The following ARHGAP24 variants were observed in gnomAD, a reference collection of about 807,000 sequenced individuals.
ARHGAP24 encodes rho GTPase-activating protein 24.
In ARHGAP24, 50 loss-of-function variants were observed where a neutral mutation model predicts 76.4. That is an observed-to-expected ratio of 0.65 (90% CI 0.52 to 0.83). The LOEUF is 0.83. Among genes scored for constraint, ARHGAP24 ranks in the 40% least tolerant of loss-of-function variants. The pLI is 0.00. For missense variants in ARHGAP24, 930 were observed against 914.2 expected (o/e 1.02, Z -0.22); for synonymous variants, 345 against 323.3 (o/e 1.07, Z -0.72).
At chr4:85,638,002 A>G (rs1349376045) in intron 2 of ARHGAP24, among the ~76,000 whole-genome samples, 1 of 151,988 alleles carries the variant, frequency 6.6e-6, no homozygotes, top group East Asian at 1.9e-4. Context: ...TGTGCCACAA[A>G]CCATCTCAGT....
chr4:85,763,503 C>T (rs749904570), intron 3 of ARHGAP24, among the ~76,000 whole-genome samples: 9 of 152,078 alleles, frequency 5.9e-5, no homozygotes, highest in African/African-American at 1.2e-4. Flanking sequence ...TAGATGAGGA[C>T]GAGGCCTGGA....
chr4:85,661,101 A>G (rs1722367023), intron 2 of ARHGAP24, among the ~76,000 whole-genome samples: 1 of 152,250 alleles, frequency 6.6e-6, no homozygotes, highest in Non-Finnish European at 1.5e-5. Flanking sequence ...CATTAGGAAC[A>G]TACTCAGATT....
At chr4:85,647,066 C>A (rs1721751088) in intron 2 of ARHGAP24, among the ~76,000 whole-genome samples, 1 of 151,896 alleles carries the variant, frequency 6.6e-6, no homozygotes, top group Admixed American at 6.6e-5. Flanking sequence ...GGGAAGAAAC[C>A]ATGTGATAGT....
chr4:85,563,246 G>C (rs568730701), intron 1 of ARHGAP24, among the ~76,000 whole-genome samples: 4 of 152,148 alleles, frequency 2.6e-5, no homozygotes, highest in Non-Finnish European at 4.4e-5. Context: ...CACAATGGCA[G>C]GTATCTTATT....
At position 85,560,597 on chromosome 4, in the gene ARHGAP24, G is replaced by A. The variant is rs559710885; in HGVS notation, c.-20-9925G>A. Among the ~76,000 whole-genome samples the A allele has an allele frequency of 1.6e-4, 24 of 152,284 alleles. No homozygotes were observed. The South Asian group carries it at 4.1e-3, about 26-fold the overall frequency. The stretch of plus-strand genomic sequence containing the variant: ...TGTTTCTTCATGAAAATAACTGTAC[G>A]TAAGTTCCCCCAGGTATGCCCTTCT... On this transcript the variant is annotated intron_variant, in intron 1 of 9. Transcript: ENST00000395184.
In ARHGAP24 at chr4:85,664,217, A is replaced by G. The variant is rs879262411; in HGVS notation, c.181-57668A>G. Among the ~76,000 whole-genome samples the G allele has an allele frequency of 6.2e-3, 906 of 146,932 alleles. 8 individuals are homozygous for G. Among genetic ancestry groups the G allele is most frequent in the African/African-American group, 0.022 (821 of 36,530 alleles). On this transcript the variant is annotated intron_variant, in intron 2 of 9. Transcript: ENST00000395184. Reference sequence around the variant, plus strand: ...TGTTATTGGTCTATTCAGAGATTCAACTTCTTCCTGGTTTAGTCTTGGGAG... The same window carrying G: ...TGTTATTGGTCTATTCAGAGATTCAGCTTCTTCCTGGTTTAGTCTTGGGAG...
chr4:85,596,087 A>T (rs2109984575), intron 2 of ARHGAP24, among the ~76,000 whole-genome samples: 1 of 151,732 alleles, frequency 6.6e-6, no homozygotes, highest in South Asian at 2.1e-4. Flanking sequence ...GATTTTTCTT[A>T]CCTATCTAGT....
chr4:85,756,088 A>G (rs1380939661), intron 3 of ARHGAP24, among the ~76,000 whole-genome samples: 1 of 152,190 alleles, frequency 6.6e-6, no homozygotes, highest in Non-Finnish European at 1.5e-5. Flanking sequence ...ATTGTAATGT[A>G]TGTATCATTA....
intron 2 of ARHGAP24, among the ~76,000 whole-genome samples, chr4:85,645,054 A>G (rs1235655945): frequency 6.6e-6 from 1 of 152,122 alleles, no homozygotes; most frequent in Non-Finnish European, 1.5e-5. Flanking sequence ...ATAAAATTAC[A>G]TTTCAACATT....
chr4:85,496,970 T>A (rs1348140969), intron 1 of ARHGAP24, among the ~76,000 whole-genome samples: 1 of 152,234 alleles, frequency 6.6e-6, no homozygotes, highest in East Asian at 1.9e-4. Context: ...GGAAGTCATT[T>A]TGGGCAAAGG....
intron 2 of ARHGAP24, among the ~76,000 whole-genome samples, chr4:85,668,369 C>T (rs76753920): frequency 2.3e-3 from 354 of 152,284 alleles, no homozygotes; most frequent in African/African-American, 8.3e-3. Flanking sequence ...TTACTGGGTG[C>T]AGGCACTTAG....
At chr4:85,613,093 C>T (rs978994647) in intron 2 of ARHGAP24, among the ~76,000 whole-genome samples, 2 of 152,126 alleles carry the variant, frequency 1.3e-5, no homozygotes, top group Non-Finnish European at 1.5e-5. Flanking sequence ...CCACCGCACT[C>T]AGTCTCCCTT....
chr4:85,520,986 A>G (rs1724720579), intron 1 of ARHGAP24, among the ~76,000 whole-genome samples: 1 of 152,170 alleles, frequency 6.6e-6, no homozygotes, highest in Admixed American at 6.5e-5. Context: ...AGTCTATGCC[A>G]AATTTATAGT....
At chr4:85,573,230 G>T (rs1379053572) in intron 2 of ARHGAP24, among the ~76,000 whole-genome samples, 1 of 152,096 alleles carries the variant, frequency 6.6e-6, no homozygotes, top group Non-Finnish European at 1.5e-5. Flanking sequence ...TACAATTCAA[G>T]CACTGAGAAT....
intron 5 of ARHGAP24, among the ~76,000 whole-genome samples, chr4:85,953,952 C>T (rs796282451): frequency 4.6e-5 from 7 of 152,090 alleles, no homozygotes; most frequent in African/African-American, 1.7e-4. Context: ...ATCACTCTGA[C>T]TGAGAGTTGG....
At chr4:85,914,545 A>C (rs1290487659) in intron 3 of ARHGAP24, among the ~76,000 whole-genome samples, 3 of 152,192 alleles carry the variant, frequency 2.0e-5, no homozygotes, top group Non-Finnish European at 4.4e-5. Flanking sequence ...GTTTATCACC[A>C]TGTTTATAGG....
At chr4:85,754,441 T>C (rs1160806574) in intron 3 of ARHGAP24, among the ~76,000 whole-genome samples, 1 of 152,224 alleles carries the variant, frequency 6.6e-6, no homozygotes, top group Non-Finnish European at 1.5e-5. Flanking sequence ...GTAACTCCCA[T>C]TGACAATGCA....
intron 1 of ARHGAP24, among the ~76,000 whole-genome samples, chr4:85,540,587 C>T (rs1994063): frequency 0.12 from 18,781 of 152,156 alleles, 3,265 homozygotes; most frequent in African/African-American, 0.39. Context: ...AGTGTACAGT[C>T]TGATGAGTTT....
chr4:85,770,279 A>G (rs1345298201), intron 3 of ARHGAP24, among the ~76,000 whole-genome samples: 2 of 152,202 alleles, frequency 1.3e-5, no homozygotes, highest in African/African-American at 4.8e-5. Context: ...AAACTCAAGA[A>G]TCTTAATCCT....
Sources: gnomAD v4.1 joint callset for allele counts (sites outside exome capture counted in the v4.1 genomes callset) on GRCh38, gnomAD v4.1.1 for gene constraint, MANE v1.5 for transcripts, NCBI Gene and HGNC (gene_info 2026-07-23, HGNC 2026-07-21) for gene names.